BEAN1: variants seen among roughly 807,000 people sequenced by gnomAD.
BEAN1 encodes protein BEAN1.
A neutral mutation model predicts 17.7 loss-of-function variants in BEAN1; 17 were observed. That is an observed-to-expected ratio of 0.96 (90% CI 0.66 to 1.44). The LOEUF (loss-of-function observed/expected upper bound fraction) is 1.44. Among genes scored for constraint, BEAN1 ranks in the 40% most tolerant of loss-of-function variants. The pLI is 0.00. For missense variants in BEAN1, 359 were observed against 374.1 expected, an observed-to-expected ratio of 0.96 and a Z score of 0.33; for synonymous variants, 142 against 151.8, an observed-to-expected ratio of 0.94 and a Z score of 0.47.
At chr16:66,485,983 T>C (rs1964083584), downstream of BEAN1, 1 of 152,174 alleles carries the variant, frequency 6.6e-6, no homozygotes, top group African/African-American at 2.4e-5. Flanking sequence ...ATCCAGAAAG[T>C]CCGGGAATAT....
rs1260443730 is a variant in BEAN1 at position 66,469,712 on chromosome 16, G to T, written c.136G>T (p.Val46Phe). 1.3e-6 allele frequency: 2 copies of T among 1,535,986 alleles called. No individual in the cohort carries two copies. Among genetic ancestry groups the T allele is most frequent in the African/African-American group, 2.7e-5 (2 of 73,028 alleles). The part of the protein sequence containing the change: ...VLVASAVIGV[V>F]IILSCITIIV... Reference sequence around the variant, plus strand: ...GGTGGCGAGTGCCGTCATAGGTGTGGTCATCATCCTCTCCTGCATCACCAT... The same window carrying T: ...GGTGGCGAGTGCCGTCATAGGTGTGTTCATCATCCTCTCCTGCATCACCAT... Residue 46 changes from valine (V) to phenylalanine (F), a missense_variant, in exon 3 of 5, where the codon GTC becomes TTC. Coordinates refer to ENST00000536005, the MANE Select transcript of BEAN1 (RefSeq NM_001178020.3).
Position 66,482,479 on chromosome 16 carries a change from C to T in BEAN1, c.*1554C>T, listed in dbSNP as rs1418009042. 2 of 188,822 alleles carry T rather than the reference C, an allele frequency of 1.1e-5. No homozygotes were observed. The highest frequency in any genetic ancestry group is 2.2e-5 in the Non-Finnish European group (2 of 89,936). The allele number at this position is 188,822 out of a possible 1,614,324, so 11.7% of individuals were successfully genotyped here. ...AGTTCTGTAGCATCCTGCGTGCAGC[C>T]TCCTGGAGCCCCAGACTCCATCTGG... On this transcript the variant is annotated 3_prime_UTR_variant, in exon 5 of 5. Coordinates refer to ENST00000536005, the MANE Select transcript of BEAN1 (RefSeq NM_001178020.3).
In BEAN1 at chr16:66,427,647, C is replaced by A. The variant is rs924428846; in HGVS notation, c.-83+216C>A. 1 of 152,104 alleles carries A rather than the reference C, an allele frequency of 6.6e-6. No homozygotes were observed. Among genetic ancestry groups the A allele is most frequent in the Non-Finnish European group, 1.5e-5 (1 of 68,040 alleles). The allele number at this position is 152,104 out of a possible 1,614,324, so 9.4% of individuals were successfully genotyped here. Reference sequence around the variant, plus strand: ...CGGGTCTCCCGCGGACCCTCGACCCCGGGCTGGCCACTGGGATCTGCGCGA... The same window carrying A: ...CGGGTCTCCCGCGGACCCTCGACCCAGGGCTGGCCACTGGGATCTGCGCGA... On this transcript the variant is annotated intron_variant, in intron 1 of 4. Coordinates refer to ENST00000536005, the MANE Select transcript of BEAN1 (RefSeq NM_001178020.3). This position sits in a 1 kb window ranked among gnomAD's most constrained non-coding sequence, Gnocchi z 4.7.
chr16:66,469,914 T>G (rs1198896833), intron 3 of BEAN1, 49 bp downstream of exon 3: 1 of 1,517,206 alleles, frequency 6.6e-7, no homozygotes, highest in Admixed American at 2.0e-5. Context: ...TGACTGGGAT[T>G]GCAACACAGG....
chr16:66,465,722 C>T (rs11639725), intron 2 of BEAN1, among the ~76,000 whole-genome samples: 22,281 of 152,092 alleles, frequency 0.15, 2,024 homozygotes, highest in South Asian at 0.24. Context: ...ATTTTCTTTC[C>T]GGAAAAAGAA....
chr16:66,477,171 CA>C (rs1963781222), intron 3 of BEAN1, among the ~76,000 whole-genome samples: 1 of 152,184 alleles, frequency 6.6e-6, no homozygotes. Flanking sequence ...AGACAAGACT[CA>C]GCTGTAGCAG....
At chr16:66,472,197 G>A (rs185797219) in intron 3 of BEAN1, among the ~76,000 whole-genome samples, 1 of 152,334 alleles carries the variant, frequency 6.6e-6, no homozygotes, top group East Asian at 1.9e-4. Context: ...GGCAGAGCTG[G>A]ATAGGTGTCC....
chr16:66,452,277 C>A (rs1962700117), intron 2 of BEAN1, among the ~76,000 whole-genome samples: 1 of 152,200 alleles, frequency 6.6e-6, no homozygotes, highest in African/African-American at 2.4e-5. Flanking sequence ...CCTTGCATTT[C>A]TGGAATAAGC....
At chr16:66,489,760 T>A (rs1274485656) in intron 4 of BEAN1, among the ~76,000 whole-genome samples, 1 of 151,820 alleles carries the variant, frequency 6.6e-6, no homozygotes, top group Non-Finnish European at 1.5e-5. Context: ...TGGAGGGAAG[T>A]TTTATAGGAT....
At chr16:66,467,534 C>T (rs1963300340) in intron 2 of BEAN1, among the ~76,000 whole-genome samples, 1 of 152,210 alleles carries the variant, frequency 6.6e-6, no homozygotes, top group African/African-American at 2.4e-5. Flanking sequence ...CAATTACCTC[C>T]ACCTGGTCCT....
chr16:66,437,746 G>A (rs1405467655), intron 2 of BEAN1, 45 bp downstream of exon 2: 2 of 1,518,234 alleles, frequency 1.3e-6, no homozygotes, highest in Non-Finnish European at 1.8e-6. Context: ...GGCCAGGCAA[G>A]GGCAGAGCTT....
At chr16:66,472,251 G>C (rs563253612) in intron 3 of BEAN1, among the ~76,000 whole-genome samples, 102 of 152,360 alleles carry the variant, frequency 6.7e-4, no homozygotes, top group South Asian at 1.9e-3. Context: ...GCCTCCCTCA[G>C]TGTCTTGGTC....
chr16:66,490,402 A>ATAACATAACATAACATAAC (rs1964151219), intron 4 of BEAN1, among the ~76,000 whole-genome samples: 1 of 103,684 alleles, frequency 9.6e-6, no homozygotes, highest in Non-Finnish European at 1.8e-5. Flanking sequence ...GTTTCAATAA[A>ATAACATAACATAACATAAC]ATAAAATAAA....
chr16:66,462,306 T>G (rs1167669098), intron 2 of BEAN1, among the ~76,000 whole-genome samples: 1 of 152,138 alleles, frequency 6.6e-6, no homozygotes, highest in Non-Finnish European at 1.5e-5. Context: ...GGAATAAAAA[T>G]TAGAGGTTGG....
At chr16:66,482,902 G>A (rs1291446931), downstream of BEAN1, 4 of 455,890 alleles carry the variant, frequency 8.8e-6, no homozygotes, top group African/African-American at 4.0e-5. Context: ...AGTCGCCTAC[G>A]CTGGAGTGCA....
chr16:66,437,120 T>G (rs1962057326), intron 1 of BEAN1, among the ~76,000 whole-genome samples: 3 of 151,904 alleles, frequency 2.0e-5, no homozygotes, highest in South Asian at 4.2e-4. Context: ...ATAATAATAA[T>G]AATAATATGG....
chr16:66,476,471 AG>A (rs2142454633), intron 3 of BEAN1: 1 of 152,432 alleles, frequency 6.6e-6, no homozygotes, highest in Admixed American at 6.5e-5. Context: ...CAGCAGAGAA[AG>A]GTTATAGCTC....
In BEAN1 at chr16:66,481,184, G is replaced by C; in HGVS notation, c.*259G>C. 4.8e-6 allele frequency: 2 copies of C among 416,248 alleles called. No individual in the cohort carries two copies. The highest frequency in any genetic ancestry group is 8.4e-6 in the Non-Finnish European group (2 of 237,016). The allele number at this position is 416,248 out of a possible 1,614,324, so 25.8% of individuals were successfully genotyped here. A position where few individuals can be genotyped will look rare whatever the true frequency, so the allele number is the denominator to read the frequency against. ...CCCACCTGCAAAGGTTTCACGGAAC[G>C]TGGAGCTCTCCTGGCCTCCCGTCCC... On this transcript the variant is annotated 3_prime_UTR_variant, in exon 5 of 5. Coordinates refer to ENST00000536005, the MANE Select transcript of BEAN1 (RefSeq NM_001178020.3). The surrounding 1 kb of genome is among the most constrained non-coding windows in gnomAD (Gnocchi z 4.1).
chr16:66,492,945 T>TC, intron 4 of BEAN1: 1 of 698,708 alleles, frequency 1.4e-6, no homozygotes, highest in South Asian at 1.5e-5. Context: ...CCTAACAAGC[T>TC]CCCTTGTCTG....
Sources: allele counts gnomAD v4.1 joint callset (sites outside exome capture counted in the v4.1 genomes callset), GRCh38; gene constraint gnomAD v4.1.1; non-coding constraint Gnocchi (gnomAD v3.1); transcripts MANE v1.5; gene names NCBI Gene and HGNC (gene_info 2026-07-23, HGNC 2026-07-21).